The following IL12RB2 variants were observed in gnomAD, a reference collection of about 807,000 sequenced individuals.
The protein encoded by IL12RB2 is interleukin-12 receptor subunit beta-2.
A neutral mutation model predicts 89.4 loss-of-function variants in IL12RB2; 82 were observed. The ratio of observed to expected loss-of-function variants is 0.92; its 90% CI spans 0.77 to 1.10. The LOEUF is 1.10. Ranked by LOEUF, IL12RB2 falls within the 50% of genes least tolerant of loss-of-function variation. The pLI is 0.00. For synonymous variants in IL12RB2, 368 were observed against 370.1 expected, an observed-to-expected ratio of 0.99 and a Z score of 0.07; for missense variants, 963 against 1,031.9, an observed-to-expected ratio of 0.93 and a Z score of 0.92.
intron 13 of IL12RB2, among the ~76,000 whole-genome samples, chr1:67,374,453 T>C (rs1415776572): frequency 6.6e-6 from 1 of 152,070 alleles, no homozygotes; most frequent in Admixed American, 6.6e-5. Flanking sequence ...GATACCTGTT[T>C]GCAACCACAT....
intron 5 of IL12RB2, among the ~76,000 whole-genome samples, chr1:67,327,850 T>A (rs534189732): frequency 6.6e-6 from 1 of 152,322 alleles, no homozygotes; most frequent in African/African-American, 2.4e-5. Flanking sequence ...AACTGACAAT[T>A]CTGTGCCACA....
Position 67,396,378 on chromosome 1 carries a change from A to G in IL12RB2, c.*289A>G, listed in dbSNP as rs1490543272. ...AACTTTCTTGGTATGCTGGCCAGAA[A>G]GGGAAATGAGGAGGAGAGTAGAAAC... is the stretch of plus-strand genomic sequence containing the variant. On this transcript the variant is annotated 3_prime_UTR_variant, in exon 17 of 17. Coordinates refer to ENST00000674203, the MANE Select transcript of IL12RB2 (RefSeq NM_001374259.2). 1.9e-6 allele frequency: 1 copy of G among 513,514 alleles called. No individual in the cohort carries two copies. The highest frequency in any genetic ancestry group is 3.6e-6 in the Non-Finnish European group (1 of 281,178). The allele number at this position is 513,514 out of a possible 1,614,324, so 31.8% of individuals were successfully genotyped here. A position where few individuals can be genotyped will look rare whatever the true frequency, so the allele number is the denominator to read the frequency against.
intron 7 of IL12RB2, among the ~76,000 whole-genome samples, 196 bp downstream of exon 7, chr1:67,329,925 T>C (rs906187252): frequency 6.6e-6 from 1 of 152,216 alleles, no homozygotes; most frequent in African/African-American, 2.4e-5. Flanking sequence ...GATTCTGAAA[T>C]TTTTAAAGCT....
rs1664411136 is a variant in IL12RB2 at position 67,380,010 on chromosome 1, A to C, written c.1742A>C (p.Asn581Thr). ...LCEIPYRVSQ[N>T]SHPINSLQPR... is the part of the protein sequence containing the mutation. ...GAAATTCCCTACAGAGTCTCCCAAA[A>C]TTCACATCCAATAAACAGCCTGCAG... Residue 581 changes from asparagine (N) to threonine (T), a missense_variant, in exon 14 of 17, where the codon AAT becomes ACT. Coordinates refer to ENST00000674203, the MANE Select transcript of IL12RB2 (RefSeq NM_001374259.2). 6.2e-7 allele frequency: 1 copy of C among 1,612,196 alleles called. No homozygotes were observed. The highest frequency in any genetic ancestry group is 1.6e-4 in the Middle Eastern group (1 of 6,076).
intron 9 of IL12RB2, among the ~76,000 whole-genome samples, chr1:67,345,848 C>CA (rs1169853004): frequency 1.3e-5 from 2 of 151,682 alleles, no homozygotes; most frequent in Non-Finnish European, 2.9e-5. Flanking sequence ...GTGGCCAGTG[C>CA]AAAAAAATAA....
intron 14 of IL12RB2, among the ~76,000 whole-genome samples, chr1:67,386,272 A>G (rs1665135959): frequency 6.6e-6 from 1 of 150,974 alleles, no homozygotes; most frequent in African/African-American, 2.4e-5. Flanking sequence ...CACATCTGCT[A>G]GCGGCACAGC....
At chr1:67,360,612 A>G (rs1661929519) in intron 10 of IL12RB2, among the ~76,000 whole-genome samples, 1 of 152,054 alleles carries the variant, frequency 6.6e-6, no homozygotes, top group East Asian at 1.9e-4. Context: ...CCTGGCCAAC[A>G]TGGCAAAACC....
chr1:67,396,386 G>C lies in IL12RB2; in HGVS notation c.*297G>C. ...TGGTATGCTGGCCAGAAAGGGAAATGAGGAGGAGAGTAGAAACCACAGCTC... is the reference window on the plus strand; with the variant it reads ...TGGTATGCTGGCCAGAAAGGGAAATCAGGAGGAGAGTAGAAACCACAGCTC... On this transcript the variant is annotated 3_prime_UTR_variant, in exon 17 of 17. Transcript: ENST00000674203. 2.0e-6 allele frequency: 1 copy of C among 501,884 alleles called. No homozygotes were observed. Among genetic ancestry groups the C allele is most frequent in the South Asian group, 2.0e-5 (1 of 49,052 alleles). 31.1% of individuals were successfully genotyped at this position (501,884 alleles called of 1,614,324 possible). A position where few individuals can be genotyped will look rare whatever the true frequency, so the allele number is the denominator to read the frequency against.
intron 10 of IL12RB2, among the ~76,000 whole-genome samples, chr1:67,362,592 A>AT (rs1214197611): frequency 6.1e-5 from 9 of 148,594 alleles, no homozygotes; most frequent in Non-Finnish European, 1.2e-4. Context: ...AAAAAAAAAA[A>AT]GAAAAAGAAA....
chr1:67,314,442 C>T (rs998393265), intron 2 of IL12RB2, among the ~76,000 whole-genome samples: 3 of 152,154 alleles, frequency 2.0e-5, no homozygotes, highest in Non-Finnish European at 4.4e-5. Context: ...AATAACTTTG[C>T]CTTAATCGTC....
At chr1:67,328,799 G>A (rs1657671385) in intron 6 of IL12RB2, among the ~76,000 whole-genome samples, 1 of 152,178 alleles carries the variant, frequency 6.6e-6, no homozygotes, top group African/African-American at 2.4e-5. Context: ...CTAGGCTAGA[G>A]CAGCGAGGTA....
At chr1:67,326,498 C>T (rs1657303467) in intron 4 of IL12RB2, among the ~76,000 whole-genome samples, 1 of 152,198 alleles carries the variant, frequency 6.6e-6, no homozygotes, top group Admixed American at 6.5e-5. Flanking sequence ...AAAAACTGCA[C>T]ATAGCACTGG....
chr1:67,341,562 A>AG (rs1553314435), intron 9 of IL12RB2, among the ~76,000 whole-genome samples: 1 of 142,334 alleles, frequency 7.0e-6, no homozygotes, highest in Non-Finnish European at 1.5e-5. Flanking sequence ...AAAGAAAGAA[A>AG]GAAAGAAAGA....
chr1:67,321,570 C>A, intron 3 of IL12RB2, 32 bp from the exon 4 acceptor site: 3 of 1,455,460 alleles, frequency 2.1e-6, no homozygotes, highest in African/African-American at 1.4e-5. Flanking sequence ...TTATTATCAC[C>A]AACTAAATAT....
chr1:67,311,467 T>C (rs1655047462), intron 1 of IL12RB2, among the ~76,000 whole-genome samples: 1 of 152,238 alleles, frequency 6.6e-6, no homozygotes, highest in Admixed American at 6.5e-5. Flanking sequence ...CTGGGTTATC[T>C]TGGTCAACTT....
intron 2 of IL12RB2, among the ~76,000 whole-genome samples, chr1:67,315,593 A>G (rs1655657609): frequency 6.6e-6 from 1 of 152,192 alleles, no homozygotes; most frequent in African/African-American, 2.4e-5. Flanking sequence ...TTAGATTAAC[A>G]GGAAAAAAAT....
chr1:67,320,198 A>C, intron 2 of IL12RB2, 135 bp from the exon 3 acceptor site: 1 of 1,365,138 alleles, frequency 7.3e-7, no homozygotes, highest in Non-Finnish European at 1.0e-6. Context: ...TTAAAGGTAC[A>C]TGTCATTTTT....
chr1:67,321,952 A>T, intron 4 of IL12RB2, 63 bp downstream of exon 4: 1 of 1,443,564 alleles, frequency 6.9e-7, no homozygotes, highest in Admixed American at 1.7e-5. Flanking sequence ...ATCTTTTGGT[A>T]TTTGGTGTTA....
intron 11 of IL12RB2, among the ~76,000 whole-genome samples, chr1:67,370,337 A>AGTCCT (rs1390403683): frequency 6.6e-6 from 1 of 152,124 alleles, no homozygotes; most frequent in Non-Finnish European, 1.5e-5. Flanking sequence ...GCTAGAGACC[A>AGTCCT]GTCCTGTCCT....
Sources: gnomAD v4.1 joint callset for allele counts (sites outside exome capture counted in the v4.1 genomes callset) on GRCh38, gnomAD v4.1.1 for gene constraint, MANE v1.5 for transcripts, NCBI Gene and HGNC (gene_info 2026-07-23, HGNC 2026-07-21) for gene names.